The following CUL5 variants were observed in gnomAD, a reference collection of about 807,000 sequenced individuals.
CUL5 encodes the protein cullin 5, also known as cullin-5.
Under a neutral mutation model 108.8 loss-of-function variants are expected in CUL5, and 26 were observed. That is an observed-to-expected ratio of 0.24 (90% CI 0.18 to 0.33). The LOEUF (loss-of-function observed/expected upper bound fraction) is 0.33, where lower values mean the gene tolerates loss of function less well. Among genes scored for constraint, CUL5 ranks in the 10% least tolerant of loss-of-function variants. CUL5 has a pLI of 1.00. For synonymous variants in CUL5, 334 were observed against 298.0 expected (o/e 1.12, Z -1.25); for missense variants, 524 against 909.2 (o/e 0.58, Z 5.45).
At chr11:108,024,432 T>A (rs1299068505) in intron 1 of CUL5, among the ~76,000 whole-genome samples, 1 of 152,048 alleles carries the variant, frequency 6.6e-6, no homozygotes, top group Non-Finnish European at 1.5e-5. Flanking sequence ...CAAAAAATAA[T>A]AATAATAATA....
intron 7 of CUL5, among the ~76,000 whole-genome samples, chr11:108,066,641 C>T (rs966789338): frequency 4.6e-5 from 7 of 152,130 alleles, no homozygotes; most frequent in African/African-American, 1.7e-4. Context: ...TATTTGAATT[C>T]CCGTGGTAAC....
rs570696668 is a variant in CUL5 at position 108,023,943 on chromosome 11, A to G, written c.25-9859A>G. ...AGTGTCCTCTTCCTCCTCCTCCACC[A>G]TGTTTGAAAAGAAATGTCTTTTACG... On this transcript the variant is annotated intron_variant, in intron 1 of 18. Transcript: ENST00000393094. Among the ~76,000 whole-genome samples, 6 of 152,276 alleles carry G rather than the reference A, an allele frequency of 3.9e-5. No individual in the cohort carries two copies. In the East Asian group the frequency reaches 1.2e-3, roughly 29 times the overall value.
At chr11:108,057,472 C>T (rs1863414391) in intron 7 of CUL5, among the ~76,000 whole-genome samples, 1 of 152,184 alleles carries the variant, frequency 6.6e-6, no homozygotes, top group African/African-American at 2.4e-5. Flanking sequence ...GACATGCTGA[C>T]ATACCCCGTG....
chr11:108,053,895 C>G (rs1863306856), intron 5 of CUL5, among the ~76,000 whole-genome samples: 1 of 151,916 alleles, frequency 6.6e-6, no homozygotes, highest in African/African-American at 2.4e-5. Flanking sequence ...CTCTGTCACC[C>G]AGGCTGAAGT....
rs570435315 is a variant in CUL5, at chr11:108,104,664, C to T, written c.*280C>T. On this transcript the variant is annotated 3_prime_UTR_variant, in exon 19 of 19. Transcript: ENST00000393094. ...CTTTTAAAAGTGAATTTGATTTGTACCCACCAGGAGAAATACAGTTGGGAA... is the reference window on the plus strand; with the variant it reads ...CTTTTAAAAGTGAATTTGATTTGTATCCACCAGGAGAAATACAGTTGGGAA... The T allele has an allele frequency of 3.6e-4, 82 of 228,502 alleles. No homozygotes were observed. The highest frequency in any genetic ancestry group is 1.7e-3 in the African/African-American group (76 of 44,346). 14.2% of individuals were successfully genotyped at this position (228,502 alleles called of 1,614,324 possible).
At position 108,088,614 on chromosome 11, in the gene CUL5, C is replaced by T; in HGVS notation, c.1266C>T (p.Ser422=). 1 of 1,611,400 alleles carries T rather than the reference C, an allele frequency of 6.2e-7. No homozygotes were observed. Among genetic ancestry groups the T allele is most frequent in the Non-Finnish European group, 8.5e-7 (1 of 1,178,856 alleles). Reference sequence around the variant, plus strand: ...TGTTGCTAAGAAAAACACCATTAAGCAAAAAACTAACCTCTGAAGAGATTG... The same window carrying T: ...TGTTGCTAAGAAAAACACCATTAAGTAAAAAACTAACCTCTGAAGAGATTG... ...CDMLLRKTPL[S]KKLTSEEIEA... Residue 422 remains serine, a synonymous_variant, in exon 12 of 19, where the codon AGC becomes AGT. Coordinates refer to ENST00000393094, the MANE Select transcript of CUL5 (RefSeq NM_003478.6).
intron 17 of CUL5, among the ~76,000 whole-genome samples, 183 bp downstream of exon 17, chr11:108,097,937 C>T (rs1864539746): frequency 6.6e-6 from 1 of 152,082 alleles, no homozygotes; most frequent in Admixed American, 6.5e-5. Flanking sequence ...CTATATTTTT[C>T]ATTGATACAT....
intron 10 of CUL5, among the ~76,000 whole-genome samples, chr11:108,075,492 T>G (rs1206707476): frequency 6.6e-6 from 1 of 152,186 alleles, no homozygotes; most frequent in African/African-American, 2.4e-5. Context: ...CAGCATTTGT[T>G]ACACCAGGTA....
intron 11 of CUL5, among the ~76,000 whole-genome samples, chr11:108,087,897 A>G (rs1591327578): frequency 6.6e-6 from 1 of 152,154 alleles, no homozygotes; most frequent in Admixed American, 6.5e-5. Context: ...CCCGAGAGGC[A>G]GAGGTTGCAG....
chr11:108,059,695 G>A (rs946293396), intron 7 of CUL5, among the ~76,000 whole-genome samples: 13 of 151,828 alleles, frequency 8.6e-5, no homozygotes, highest in African/African-American at 1.2e-4. Flanking sequence ...TGGCCAACAC[G>A]GTGAAACCCT....
In CUL5 at chr11:108,046,357, G is replaced by T; in HGVS notation, c.222G>T (p.Lys74Asn). Residue 74 changes from lysine (K) to asparagine (N), a missense_variant, in exon 3 of 19, where the codon AAG becomes AAT. Lys to Asn is a moderately conservative substitution (Grantham distance 94). Transcript: ENST00000393094. ...ALKEDILEFI[K>N]QAQARVLSHQ... Reference sequence around the variant, plus strand: ...AAGAAGATATTCTTGAGTTTATTAAGCAAGCACAGGCAGTAAGTTCTACAT... The same window carrying T: ...AAGAAGATATTCTTGAGTTTATTAATCAAGCACAGGCAGTAAGTTCTACAT... The T allele has an allele frequency of 6.2e-7, 1 of 1,600,078 alleles. No individual in the cohort carries two copies. The highest frequency in any genetic ancestry group is 8.6e-7 in the Non-Finnish European group (1 of 1,168,216).
At chr11:108,080,486 C>T (rs888786221) in intron 11 of CUL5, among the ~76,000 whole-genome samples, 10 of 152,108 alleles carry the variant, frequency 6.6e-5, no homozygotes, top group Admixed American at 2.6e-4. Flanking sequence ...ACATCCACCT[C>T]GTGGGTTCAA....
intron 10 of CUL5, 55 bp downstream of exon 10, chr11:108,073,552 T>A (rs1235459316): frequency 1.3e-6 from 1 of 753,358 alleles, no homozygotes; most frequent in African/African-American, 1.8e-5. Context: ...TCTCATAATT[T>A]ACTTCTAATA....
rs1861996050 is a variant in CUL5, at chr11:108,009,266, T to G, written c.-83T>G. The G allele has an allele frequency of 5.9e-6, 9 of 1,517,192 alleles. 1 individual carries two copies. The South Asian group carries it at 1.0e-4, about 17-fold the overall frequency. 94.0% of individuals were successfully genotyped at this position (1,517,192 alleles called of 1,614,324 possible). A position where few individuals can be genotyped will look rare whatever the true frequency, so the allele number is the denominator to read the frequency against. On this transcript the variant is annotated 5_prime_UTR_variant, in exon 1 of 19. Coordinates refer to ENST00000393094, the MANE Select transcript of CUL5 (RefSeq NM_003478.6). ...CGGGCCGACGGGCCCTGGGCCCTGG[T>G]GGGAGCTCCGGCCTCCGGTCAAGGC...
At position 108,024,675 on chromosome 11, in the gene CUL5, TG is replaced by T. The variant is rs567507933; in HGVS notation, c.25-9125del. On this transcript the variant is annotated intron_variant, in intron 1 of 18. Coordinates refer to ENST00000393094, the MANE Select transcript of CUL5 (RefSeq NM_003478.6). ...AGATGTCAGATATTCAAACCATTCG[TG>T]GAAATGTAAGGAAAATCAAAAGAAG... Among the ~76,000 whole-genome samples the T allele has an allele frequency of 5.4e-3, 821 of 152,264 alleles. 11 individuals are homozygous for T. Among genetic ancestry groups the T allele is most frequent in the Non-Finnish European group, 5.0e-3 (339 of 68,022 alleles).
Position 108,033,875 on chromosome 11 carries a change from A to G in CUL5, c.98A>G (p.Glu33Gly), listed in dbSNP as rs1184540665. ...RPIVLKLLRQESVTKQQWFDL... is the reference protein window; with the variant it reads ...RPIVLKLLRQGSVTKQQWFDL... ...ATTGTTTTGAAGCTTTTACGCCAGGAATCTGTTACAAAACAGCAGTGGTTT... is the reference window on the plus strand; with the variant it reads ...ATTGTTTTGAAGCTTTTACGCCAGGGATCTGTTACAAAACAGCAGTGGTTT... The change falls in exon 2 of 19, where the codon GAA becomes GGA. Residue 33 changes from glutamate (E) to glycine (G), a missense_variant. Physicochemically the swap from Glu to Gly is moderately conservative, Grantham distance 98. Coordinates refer to ENST00000393094, the MANE Select transcript of CUL5 (RefSeq NM_003478.6). 2 of 1,613,220 alleles carry G rather than the reference A, an allele frequency of 1.2e-6. No homozygotes were observed. The highest frequency in any genetic ancestry group is 1.7e-6 in the Non-Finnish European group (2 of 1,179,530).
intron 17 of CUL5, 136 bp from the exon 18 acceptor site, chr11:108,098,270 G>T: frequency 1.4e-6 from 1 of 718,212 alleles, no homozygotes. Flanking sequence ...CAATATGTAG[G>T]TTATTTGTCA....
At chr11:108,022,164 T>A (rs964948889) in intron 1 of CUL5, among the ~76,000 whole-genome samples, 8 of 152,204 alleles carry the variant, frequency 5.3e-5, no homozygotes, top group African/African-American at 1.9e-4. Context: ...ATTAAAATAT[T>A]GCCATAATAT....
chr11:108,011,144 A>T (rs1862048223), intron 1 of CUL5, among the ~76,000 whole-genome samples: 1 of 152,230 alleles, frequency 6.6e-6, no homozygotes, highest in African/African-American at 2.4e-5. Context: ...CTTGTTGATT[A>T]CCTGGATATA....
Sources: allele counts gnomAD v4.1 joint callset (sites outside exome capture counted in the v4.1 genomes callset), GRCh38; gene constraint gnomAD v4.1.1; transcripts MANE v1.5; gene names NCBI Gene and HGNC (gene_info 2026-07-23, HGNC 2026-07-21).